UCK2: variants seen among roughly 807,000 people sequenced by gnomAD.
UCK2 encodes the protein cytidine monophosphokinase 2.
Under a neutral mutation model 30.8 loss-of-function variants are expected in UCK2, and 6 were observed. That is an observed-to-expected ratio of 0.19 (90% CI 0.11 to 0.38). The LOEUF is 0.38. Ranked by LOEUF, UCK2 falls within the 10% of genes least tolerant of loss-of-function variation. The pLI is 1.00. For synonymous variants in UCK2, 125 were observed against 133.6 expected, an observed-to-expected ratio of 0.94 and a Z score of 0.45; for missense variants, 210 against 339.8, an observed-to-expected ratio of 0.62 and a Z score of 3.00.
chr1:165,891,222 T>A lies in UCK2; in HGVS notation c.260-4T>A, dbSNP rs754084012. On this transcript the variant is annotated splice_polypyrimidine_tract_variant and splice_region_variant and intron_variant, in intron 2 of 6. Coordinates refer to ENST00000367879, the MANE Select transcript of UCK2 (RefSeq NM_012474.5). ...AAACATTTTAACAATTTGGTATTTT[T>A]CAGATGCCTTTGACAATGAACTCAT... is the stretch of plus-strand genomic sequence containing the variant. 3.1e-6 allele frequency: 5 copies of A among 1,613,814 alleles called. No individual in the cohort carries two copies. Among genetic ancestry groups the A allele is most frequent in the Non-Finnish European group, 4.2e-6 (5 of 1,179,768 alleles).
At chr1:165,898,961 A>C (rs1647368632) in intron 4 of UCK2, among the ~76,000 whole-genome samples, 1 of 152,112 alleles carries the variant, frequency 6.6e-6, no homozygotes. Flanking sequence ...TGCTATTTCT[A>C]CAAATTCATT....
At chr1:165,830,609 G>A (rs1024177005) in intron 1 of UCK2, among the ~76,000 whole-genome samples, 5 of 143,136 alleles carry the variant, frequency 3.5e-5, no homozygotes, top group African/African-American at 5.2e-5. Flanking sequence ...ACAGGTGTGC[G>A]CCACCACGCC....
chr1:165,834,023 T>A (rs80318884), intron 1 of UCK2, among the ~76,000 whole-genome samples: 5,106 of 152,186 alleles, frequency 0.034, 284 homozygotes, highest in African/African-American at 0.11. Context: ...TGGTATAAAA[T>A]CTTTTGATAC....
chr1:165,828,199 G>C (rs1213449577), intron 1 of UCK2, among the ~76,000 whole-genome samples: 1 of 152,140 alleles, frequency 6.6e-6, no homozygotes, highest in African/African-American at 2.4e-5. Flanking sequence ...CTCCCCCCGC[G>C]TTAATAACTC....
intron 1 of UCK2, among the ~76,000 whole-genome samples, chr1:165,887,888 G>A (rs1022773980): frequency 3.9e-5 from 6 of 152,172 alleles, no homozygotes. Flanking sequence ...TGGGGCATGG[G>A]AGGATCTGTG....
intron 1 of UCK2, among the ~76,000 whole-genome samples, chr1:165,831,389 C>T (rs1654043182): frequency 1.3e-5 from 2 of 152,248 alleles, no homozygotes; most frequent in Admixed American, 1.3e-4. Flanking sequence ...ATCTCAAAAG[C>T]AAACCAAACC....
intron 1 of UCK2, among the ~76,000 whole-genome samples, chr1:165,884,194 G>A (rs1655564868): frequency 1.3e-5 from 2 of 152,180 alleles, no homozygotes; most frequent in Non-Finnish European, 2.9e-5. Context: ...CCTGCCTGAG[G>A]AGGCCAAGCG....
In UCK2 at chr1:165,880,566, GGTGTGTGT is replaced by G. The variant is rs869079437; in HGVS notation, c.100-9596_100-9589del. ...CTAGATCCATTCAGTTTTTTTTGGG[GGTGTGTGT>G]GTGTGTGTGTGTGTGTGTGTGTGTG... On this transcript the variant is annotated intron_variant, in intron 1 of 6. Transcript: ENST00000367879. Among the ~76,000 whole-genome samples, 188 of 19,358 alleles carry G rather than the reference GGTGTGTGT, an allele frequency of 9.7e-3. 1 individual carries two copies. The highest frequency in any genetic ancestry group is 0.029 in the African/African-American group (173 of 6,070). The allele number at this position is 19,358 out of a possible 152,430, so 12.7% of individuals were successfully genotyped here.
intron 1 of UCK2, among the ~76,000 whole-genome samples, chr1:165,856,290 G>A (rs944695500): frequency 1.3e-5 from 2 of 151,924 alleles, no homozygotes; most frequent in Admixed American, 6.6e-5. Flanking sequence ...GCTGAGTGGG[G>A]CCCATTGAAG....
chr1:165,875,892 A>G (rs1169723493), intron 1 of UCK2, among the ~76,000 whole-genome samples: 2 of 152,044 alleles, frequency 1.3e-5, no homozygotes, highest in African/African-American at 2.4e-5. Context: ...TCCTTCCTAC[A>G]GTGCTTAGCC....
intron 1 of UCK2, among the ~76,000 whole-genome samples, chr1:165,873,011 C>T (rs776879748): frequency 7.2e-5 from 11 of 151,920 alleles, no homozygotes; most frequent in East Asian, 1.9e-4. Context: ...AAAGGGCAGT[C>T]GAGATCAAGT....
At chr1:165,884,230 C>T (rs998248745) in intron 1 of UCK2, among the ~76,000 whole-genome samples, 1 of 152,212 alleles carries the variant, frequency 6.6e-6, no homozygotes, top group African/African-American at 2.4e-5. Flanking sequence ...TTCTTCTCTG[C>T]TGTGATGTTG....
intron 4 of UCK2, among the ~76,000 whole-genome samples, chr1:165,902,102 G>A (rs1050784160): frequency 2.0e-5 from 3 of 152,128 alleles, no homozygotes; most frequent in African/African-American, 4.8e-5. Flanking sequence ...CAGGCGTGGT[G>A]GCAGGTGCCT....
At chr1:165,894,840 T>C (rs1317837342) in intron 3 of UCK2, among the ~76,000 whole-genome samples, 1 of 152,176 alleles carries the variant, frequency 6.6e-6, no homozygotes, top group Non-Finnish European at 1.5e-5. Flanking sequence ...GACCTCCTTA[T>C]GTTTGCACAG....
At chr1:165,889,362 A>G (rs1048597297) in intron 1 of UCK2, among the ~76,000 whole-genome samples, 5 of 152,228 alleles carry the variant, frequency 3.3e-5, no homozygotes, top group Non-Finnish European at 5.9e-5. Flanking sequence ...GCTGAGTGGC[A>G]TTCCATGGAT....
chr1:165,907,571 C>T (rs1037555566), intron 6 of UCK2, 113 bp from the exon 7 acceptor site: 3 of 1,445,704 alleles, frequency 2.1e-6, no homozygotes, highest in Non-Finnish European at 2.8e-6. Context: ...GAGCCACTTC[C>T]CTGGAAGTCT....
rs185397370 is a variant in UCK2 at position 165,829,480 on chromosome 1, G to T, written c.99+1548G>T. 9.8e-5 allele frequency among the ~76,000 whole-genome samples: 15 copies of T among 152,300 alleles called. No individual in the cohort carries two copies. In the East Asian group the frequency reaches 2.9e-3, roughly 29 times the overall value. On this transcript the variant is annotated intron_variant, in intron 1 of 6. Coordinates refer to ENST00000367879, the MANE Select transcript of UCK2 (RefSeq NM_012474.5). ...GCACAATGCCTGCCTGGCATGTAGT[G>T]GGGTCCAAATTTTAAGCTGAAGTCC... is the stretch of plus-strand genomic sequence containing the variant.
chr1:165,858,745 A>G (rs183420894), intron 1 of UCK2, among the ~76,000 whole-genome samples: 45 of 152,160 alleles, frequency 3.0e-4, no homozygotes, highest in African/African-American at 1.0e-3. Flanking sequence ...CCCCTTCCCA[A>G]TCTCTGAGAA....
intron 1 of UCK2, among the ~76,000 whole-genome samples, chr1:165,871,093 G>A (rs531470218): frequency 6.6e-6 from 1 of 152,334 alleles, no homozygotes; most frequent in East Asian, 1.9e-4. Flanking sequence ...TGGGATTACA[G>A]GGGTGAGCCA....
Sources: allele counts gnomAD v4.1 joint callset (sites outside exome capture counted in the v4.1 genomes callset), GRCh38; gene constraint gnomAD v4.1.1; transcripts MANE v1.5; gene names NCBI Gene and HGNC (gene_info 2026-07-23, HGNC 2026-07-21).